NAALADL2: variants seen among roughly 807,000 people sequenced by gnomAD.
The protein encoded by NAALADL2 is inactive N-acetylated-alpha-linked acidic dipeptidase-like protein 2.
A neutral mutation model predicts 87.2 loss-of-function variants in NAALADL2; 76 were observed. That is an observed-to-expected ratio of 0.87 (90% CI 0.72 to 1.05). The LOEUF (loss-of-function observed/expected upper bound fraction) is 1.05. NAALADL2 is among the 50% of genes least tolerant of loss of function. NAALADL2 has a pLI of 0.00. For synonymous variants in NAALADL2, 354 were observed against 331.0 expected (o/e 1.07, Z -0.75); for missense variants, 1,089 against 945.8 (o/e 1.15, Z -1.99).
At chr3:175,690,710 G>A (rs1327103704) in intron 11 of NAALADL2, among the ~76,000 whole-genome samples, 1 of 151,992 alleles carries the variant, frequency 6.6e-6, no homozygotes, top group Non-Finnish European at 1.5e-5. Context: ...AATTTAGAGG[G>A]AGGAGATTAA....
chr3:175,691,851 T>G (rs1737089350), intron 11 of NAALADL2, among the ~76,000 whole-genome samples: 1 of 152,174 alleles, frequency 6.6e-6, no homozygotes, highest in Non-Finnish European at 1.5e-5. Context: ...TTAAAAGTTT[T>G]TCTTATTTGT....
Position 175,097,021 on chromosome 3 carries a change from C to T in NAALADL2, c.275C>T (p.Ser92Leu), listed in dbSNP as rs1312090009. 6.2e-7 allele frequency: 1 copy of T among 1,613,568 alleles called. No homozygotes were observed. Among genetic ancestry groups the T allele is most frequent in the South Asian group, 1.1e-5 (1 of 91,068 alleles). ...LNLDSIQPATSPKGRFQRLQE... is the reference protein window; with the variant it reads ...LNLDSIQPATLPKGRFQRLQE... ...CTTGATTCCATTCAACCAGCAACTTCACCCAAAGGAAGGTTCCAGAGACTT... is the reference window on the plus strand; with the variant it reads ...CTTGATTCCATTCAACCAGCAACTTTACCCAAAGGAAGGTTCCAGAGACTT... The change falls in exon 2 of 14, where the codon TCA (serine) becomes TTA (leucine). Residue 92 changes from serine to leucine, a missense_variant. Transcript: ENST00000454872.
intron 6 of NAALADL2, among the ~76,000 whole-genome samples, chr3:175,459,744 T>G (rs1314979818): frequency 1.3e-5 from 2 of 152,078 alleles, no homozygotes; most frequent in African/African-American, 4.8e-5. Flanking sequence ...TACCCCAGAG[T>G]GCAGGTTTGT....
At chr3:175,382,145 C>T (rs1435274637) in intron 5 of NAALADL2, among the ~76,000 whole-genome samples, 1 of 152,042 alleles carries the variant, frequency 6.6e-6, no homozygotes, top group African/African-American at 2.4e-5. Context: ...AGGATAAAAG[C>T]ATACTGTTTG....
At chr3:174,581,450 C>T (rs543706719) in intron 2 of NAALADL2, among the ~76,000 whole-genome samples, 3 of 151,708 alleles carry the variant, frequency 2.0e-5, no homozygotes, top group Non-Finnish European at 2.9e-5. Flanking sequence ...AATGTCCATG[C>T]GTTCAAGAGC....
chr3:175,593,953 A>G (rs1721885999), intron 10 of NAALADL2, among the ~76,000 whole-genome samples: 1 of 151,260 alleles, frequency 6.6e-6, no homozygotes. Context: ...TTTAGGAAAT[A>G]GGTTTCTTAC....
At chr3:174,815,474 G>C (rs1720681905) in intron 3 of NAALADL2, among the ~76,000 whole-genome samples, 1 of 151,964 alleles carries the variant, frequency 6.6e-6, no homozygotes, top group Non-Finnish European at 1.5e-5. Flanking sequence ...ACCCAGGCTG[G>C]AGTGCAGTGG....
intron 1 of NAALADL2, among the ~76,000 whole-genome samples, chr3:174,939,868 G>A (rs1398426550): frequency 6.6e-6 from 1 of 151,988 alleles, no homozygotes; most frequent in Non-Finnish European, 1.5e-5. Flanking sequence ...ATCTTAAAAT[G>A]TTGCTGAAGC....
intron 1 of NAALADL2, among the ~76,000 whole-genome samples, chr3:174,458,988 T>C (rs529571977): frequency 1.3e-5 from 2 of 151,770 alleles, no homozygotes; most frequent in South Asian, 4.2e-4. Context: ...GGCAAGAGAG[T>C]AGGGGGAGGT....
At chr3:175,476,778 T>A (rs1170090840) in intron 9 of NAALADL2, among the ~76,000 whole-genome samples, 1 of 142,478 alleles carries the variant, frequency 7.0e-6, no homozygotes, top group Non-Finnish European at 1.5e-5. Flanking sequence ...TGACTGACCA[T>A]GCCACAATTC....
At position 175,213,251 on chromosome 3, in the gene NAALADL2, T is replaced by C. The variant is rs147981660; in HGVS notation, c.546-20680T>C. On this transcript the variant is annotated intron_variant, in intron 2 of 13. Coordinates refer to ENST00000454872, the MANE Select transcript of NAALADL2 (RefSeq NM_207015.3). ...TCCAATAGGTGGGAGTAGATCAGAT[T>C]AGCAATGAAAATAGAGATAGGCTGT... 2.9e-3 allele frequency among the ~76,000 whole-genome samples: 441 copies of C among 152,174 alleles called. 1 individual carries two copies. The highest frequency in any genetic ancestry group is 9.8e-3 in the African/African-American group (408 of 41,526).
chr3:174,803,777 T>C (rs938716864), intron 3 of NAALADL2, among the ~76,000 whole-genome samples: 3 of 152,186 alleles, frequency 2.0e-5, no homozygotes, highest in East Asian at 1.9e-4. Context: ...ATCAGATGGC[T>C]GTAGATGTGT....
intron 11 of NAALADL2, among the ~76,000 whole-genome samples, chr3:175,685,299 G>T (rs1040438331): frequency 6.6e-6 from 1 of 152,076 alleles, no homozygotes; most frequent in East Asian, 1.9e-4. Context: ...ATTGTAATCT[G>T]CCAGAATCTC....
chr3:174,735,026 T>G (rs1733060548), intron 2 of NAALADL2, among the ~76,000 whole-genome samples: 1 of 152,170 alleles, frequency 6.6e-6, no homozygotes, highest in Admixed American at 6.5e-5. Context: ...AAATAATAGC[T>G]TATTTTGGGT....
chr3:174,653,560 C>T (rs1401379962), intron 2 of NAALADL2, among the ~76,000 whole-genome samples: 1 of 152,090 alleles, frequency 6.6e-6, no homozygotes, highest in Non-Finnish European at 1.5e-5. Flanking sequence ...GAGGCTGGAA[C>T]TCATGGTCTA....
intron 11 of NAALADL2, among the ~76,000 whole-genome samples, chr3:175,681,001 T>G (rs922782715): frequency 3.3e-5 from 5 of 152,106 alleles, no homozygotes; most frequent in African/African-American, 1.2e-4. Flanking sequence ...TAGTCCCATC[T>G]ACTCAGAAGG....
At chr3:175,141,669 C>G (rs1730012903) in intron 2 of NAALADL2, among the ~76,000 whole-genome samples, 1 of 152,076 alleles carries the variant, frequency 6.6e-6, no homozygotes. Flanking sequence ...GGGTAGAAGG[C>G]ATACTTATAC....
rs527596104 is a variant in NAALADL2 at position 175,755,304 on chromosome 3, G to A, written c.2075G>A (p.Arg692Gln). 19 of 1,613,530 alleles carry A rather than the reference G, an allele frequency of 1.2e-5. No homozygotes were observed. The highest frequency in any genetic ancestry group is 6.7e-5 in the Admixed American group (4 of 59,956). The part of the protein sequence containing the change: ...SAELFQSDEM[R>Q]PANDPKERAP... ...GAACTTTTTCAGTCTGATGAGATGC[G>A]ACCTGCTAATGATCCCAAGGAGAGA... Residue 692 changes from arginine to glutamine, a missense_variant, in exon 13 of 14, where the codon CGA becomes CAA. Coordinates refer to ENST00000454872, the MANE Select transcript of NAALADL2 (RefSeq NM_207015.3).
intron 11 of NAALADL2, among the ~76,000 whole-genome samples, chr3:175,732,901 C>T (rs1009247184): frequency 1.3e-4 from 7 of 53,460 alleles, no homozygotes; most frequent in African/African-American, 4.6e-4. Context: ...TGGGGTCTGT[C>T]GGGGGGTAGG....
Sources: allele counts gnomAD v4.1 joint callset (sites outside exome capture counted in the v4.1 genomes callset), GRCh38; gene constraint gnomAD v4.1.1; transcripts MANE v1.5; gene names NCBI Gene and HGNC (gene_info 2026-07-23, HGNC 2026-07-21).